Variants in CALN1 observed in about 807,000 individuals in gnomAD.
The protein encoded by CALN1 is calcium-binding protein 8.
Under a neutral mutation model 30.6 loss-of-function variants are expected in CALN1, and 17 were observed. The ratio of observed to expected loss-of-function variants is 0.56; its 90% CI spans 0.38 to 0.83. The LOEUF (loss-of-function observed/expected upper bound fraction) is 0.83, where lower values mean the gene tolerates loss of function less well. Among genes scored for constraint, CALN1 ranks in the 40% least tolerant of loss-of-function variants. The pLI is 0.00. For synonymous variants in CALN1, 156 were observed against 131.4 expected (o/e 1.19, Z -1.28); for missense variants, 291 against 354.9 (o/e 0.82, Z 1.45).
At chr7:71,872,672 G>A (rs1792006476) in intron 5 of CALN1, among the ~76,000 whole-genome samples, 1 of 151,118 alleles carries the variant, frequency 6.6e-6, no homozygotes, top group African/African-American at 2.4e-5. Flanking sequence ...GGAGTGCAGT[G>A]GTGTGATCTC....
chr7:72,408,920 T>C (rs1358785506), intron 1 of CALN1, among the ~76,000 whole-genome samples: 4 of 151,856 alleles, frequency 2.6e-5, no homozygotes, highest in Admixed American at 6.6e-5. Context: ...TCAAGTAATC[T>C]ACCCACCTCA....
chr7:71,914,548 C>T (rs572800152), intron 5 of CALN1, among the ~76,000 whole-genome samples: 3 of 152,092 alleles, frequency 2.0e-5, no homozygotes, highest in South Asian at 4.2e-4. Flanking sequence ...GATTTATATT[C>T]CTTTGGTATA....
chr7:71,977,074 T>A (rs1798136569), intron 5 of CALN1, among the ~76,000 whole-genome samples: 1 of 152,214 alleles, frequency 6.6e-6, no homozygotes, highest in African/African-American at 2.4e-5. Context: ...GCTTATGAGT[T>A]GACTTTCCAT....
chr7:71,958,272 A>G (rs1797069209), intron 5 of CALN1, among the ~76,000 whole-genome samples: 1 of 151,976 alleles, frequency 6.6e-6, no homozygotes, highest in African/African-American at 2.4e-5. Flanking sequence ...TGGAGTCCCC[A>G]GTATCTACTG....
chr7:72,271,463 C>CAT (rs1348609922), intron 3 of CALN1, among the ~76,000 whole-genome samples: 43 of 149,804 alleles, frequency 2.9e-4, no homozygotes, highest in South Asian at 2.2e-4. Flanking sequence ...ATGGCACAAT[C>CAT]ATAGCTCACT....
intron 5 of CALN1, among the ~76,000 whole-genome samples, chr7:72,022,101 C>T (rs1428901505): frequency 6.6e-6 from 1 of 152,128 alleles, no homozygotes; most frequent in Admixed American, 6.6e-5. Flanking sequence ...AACTGAAATG[C>T]CCTCTTTTCT....
chr7:72,002,617 T>C (rs1280507131), intron 5 of CALN1, among the ~76,000 whole-genome samples: 1 of 152,148 alleles, frequency 6.6e-6, no homozygotes, highest in Non-Finnish European at 1.5e-5. Flanking sequence ...TGGTCTTTAT[T>C]TGAAGATGAC....
intron 3 of CALN1, among the ~76,000 whole-genome samples, chr7:72,271,727 A>T (rs941326179): frequency 6.6e-5 from 10 of 151,234 alleles, no homozygotes; most frequent in African/African-American, 2.4e-4. Context: ...CTAAGGTGTG[A>T]ACAACAGTGC....
chr7:71,931,732 TAGAC>T (rs1277170838), intron 5 of CALN1, among the ~76,000 whole-genome samples: 1 of 152,224 alleles, frequency 6.6e-6, no homozygotes, highest in Non-Finnish European at 1.5e-5. Context: ...TGTGGATAGT[TAGAC>T]AGGGATTCTC....
At chr7:71,856,625 T>A (rs559760084) in intron 5 of CALN1, among the ~76,000 whole-genome samples, 79 of 152,312 alleles carry the variant, frequency 5.2e-4, no homozygotes, top group African/African-American at 1.9e-3. Context: ...ATTTTTATAT[T>A]TGTTTTCCCA....
At chr7:71,935,930 T>A (rs1166902544) in intron 5 of CALN1, among the ~76,000 whole-genome samples, 1 of 152,176 alleles carries the variant, frequency 6.6e-6, no homozygotes, top group Non-Finnish European at 1.5e-5. Context: ...GCTTTTTCTG[T>A]AACCTCATTT....
chr7:71,953,692 A>G (rs112788458), intron 5 of CALN1, among the ~76,000 whole-genome samples: 17 of 152,160 alleles, frequency 1.1e-4, no homozygotes, highest in African/African-American at 3.6e-4. Flanking sequence ...ACTGAGTGCC[A>G]TTTATGTGTT....
chr7:71,976,820 A>G (rs1798122682), intron 5 of CALN1, among the ~76,000 whole-genome samples: 1 of 152,204 alleles, frequency 6.6e-6, no homozygotes, highest in Non-Finnish European at 1.5e-5. Context: ...GAGTTTGCAC[A>G]GAAGGAGCCT....
At chr7:72,352,871 A>C (rs887660226) in intron 2 of CALN1, among the ~76,000 whole-genome samples, 1 of 152,158 alleles carries the variant, frequency 6.6e-6, no homozygotes, top group Non-Finnish European at 1.5e-5. Flanking sequence ...CTAGATTTGA[A>C]AATATGGCAA....
chr7:71,888,788 T>C (rs1793070278), intron 5 of CALN1, among the ~76,000 whole-genome samples: 1 of 151,934 alleles, frequency 6.6e-6, no homozygotes, highest in Admixed American at 6.6e-5. Context: ...ATGGGGCCCA[T>C]TCCTAGAGGA....
chr7:72,443,522 C>T (rs1284225918), intron 1 of CALN1, among the ~76,000 whole-genome samples: 1 of 152,140 alleles, frequency 6.6e-6, no homozygotes, highest in Non-Finnish European at 1.5e-5. Flanking sequence ...GCCACTCCCT[C>T]GAGTGTTTCT....
chr7:71,898,010 A>AGG (rs1295708591), intron 5 of CALN1, among the ~76,000 whole-genome samples: 5 of 61,196 alleles, frequency 8.2e-5, no homozygotes, highest in South Asian at 9.3e-4. Flanking sequence ...AGAGGGAGGG[A>AGG]GGGGGGGGGA....
At chr7:72,053,813 C>G (rs1192375331) in intron 4 of CALN1, among the ~76,000 whole-genome samples, 1 of 151,350 alleles carries the variant, frequency 6.6e-6, no homozygotes, top group African/African-American at 2.4e-5. Flanking sequence ...CCCAGGTCCC[C>G]AAAGTCCATC....
intron 5 of CALN1, among the ~76,000 whole-genome samples, chr7:71,999,320 T>C (rs1433670859): frequency 2.0e-5 from 3 of 152,048 alleles, no homozygotes; most frequent in Non-Finnish European, 4.4e-5. Context: ...AGCTTCACAA[T>C]ACATGAAGCA....
Sources: gnomAD v4.1 joint callset for allele counts (sites outside exome capture counted in the v4.1 genomes callset) on GRCh38, gnomAD v4.1.1 for gene constraint, MANE v1.5 for transcripts, NCBI Gene and HGNC (gene_info 2026-07-23, HGNC 2026-07-21) for gene names.